Variants in TAF1 observed in about 807,000 individuals in gnomAD.
TAF1 encodes transcription initiation factor TFIID subunit 1.
TAF1 carries 2 observed loss-of-function variants against 138.5 expected under a neutral mutation model. That is an observed-to-expected ratio of 0.01 (90% CI 0.01 to 0.05). TAF1 has a LOEUF of 0.05. TAF1 is among the 10% of genes least tolerant of loss of function. The probability of loss-of-function intolerance (pLI) is 1.00; values close to 1 mark genes in which losing one functional copy is unlikely to be tolerated. For missense variants in TAF1, 709 were observed against 1,478.0 expected (o/e 0.48, Z 8.53); for synonymous variants, 437 against 503.2 (o/e 0.87, Z 1.76).
intron 13 of TAF1, among the ~76,000 whole-genome samples, chrX:71,494,111 A>G (rs1159720794): frequency 2.7e-5 from 3 of 111,716 alleles, no homozygotes; most frequent in Non-Finnish European, 5.6e-5. Flanking sequence ...ACAAATTTGT[A>G]AACTTTCTTA....
In TAF1 at chrX:71,482,526, A is replaced by G. The variant is rs191979240; in HGVS notation, c.1366+21723A>G. Among the ~76,000 whole-genome samples, 7 of 112,627 alleles carry G rather than the reference A, an allele frequency of 6.2e-5. No homozygotes were observed. The East Asian group carries it at 1.9e-3, about 31-fold the overall frequency. On this transcript the variant is annotated intron_variant and NMD_transcript_variant, in intron 13 of 14. Transcript: ENST00000373775. ...GGGATTTTTTTGTTTCCCAGTGCAT[A>G]TAAGTTATGTTTACACTATATTGTA...
intron 32 of TAF1, among the ~76,000 whole-genome samples, chrX:71,444,011 CTG>C (rs1434047707): frequency 9.1e-6 from 1 of 109,825 alleles, no homozygotes; most frequent in Non-Finnish European, 1.9e-5. Flanking sequence ...CACGCCCAGC[CTG>C]TGTTTTCTTT....
intron 3 of TAF1, among the ~76,000 whole-genome samples, chrX:71,369,860 G>A (rs959133719): frequency 1.9e-5 from 2 of 107,376 alleles, no homozygotes; most frequent in African/African-American, 3.4e-5. Flanking sequence ...TGATCCACCC[G>A]CCTCGGCCTC....
intron 28 of TAF1, among the ~76,000 whole-genome samples, chrX:71,412,773 A>G (rs1487495363): frequency 1.8e-5 from 2 of 112,363 alleles, no homozygotes; most frequent in Non-Finnish European, 3.8e-5. Flanking sequence ...TATTTTAAGT[A>G]GAGACGGTTT....
intron 13 of TAF1, among the ~76,000 whole-genome samples, chrX:71,494,826 T>A (rs1264689067): frequency 1.8e-5 from 2 of 112,191 alleles, no homozygotes; most frequent in Admixed American, 1.9e-4. Flanking sequence ...TTCCACTGCA[T>A]GGAAGGGGAC....
At chrX:71,448,820 C>CTT (rs760089481) in intron 32 of TAF1, among the ~76,000 whole-genome samples, 4 of 92,428 alleles carry the variant, frequency 4.3e-5, no homozygotes, top group African/African-American at 8.2e-5. Context: ...TTTTCTTTTT[C>CTT]TTTTTTTTTT....
rs767546907 is a variant in TAF1 at position 71,382,947 on chromosome X, A to G, written c.1774-44A>G. ...CGGAGGATATGGGAAAATCTTGCTT[A>G]GGATGGAATTAGCTAATTTTAACCC... On this transcript the variant is annotated intron_variant, in intron 11 of 37. Transcript: ENST00000423759. 1.4e-5 allele frequency: 17 copies of G among 1,191,543 alleles called. No homozygotes were observed. The African/African-American group carries it at 1.8e-4, about 12-fold the overall frequency.
At chrX:71,444,004 G>A (rs1013662251) in intron 32 of TAF1, among the ~76,000 whole-genome samples, 1 of 108,337 alleles carries the variant, frequency 9.2e-6, no homozygotes, top group Non-Finnish European at 1.9e-5. Flanking sequence ...GACCCACCAC[G>A]CCCAGCCTGT....
At chrX:71,484,141 A>G (rs1329064300) in intron 13 of TAF1, among the ~76,000 whole-genome samples, 1 of 111,299 alleles carries the variant, frequency 9.0e-6, no homozygotes, top group Non-Finnish European at 1.9e-5. Flanking sequence ...AAGTGCTGGG[A>G]TTATAGGCGT....
At chrX:71,506,627 G>A (rs1439781947) in intron 13 of TAF1, among the ~76,000 whole-genome samples, 5 of 105,139 alleles carry the variant, frequency 4.8e-5, no homozygotes, top group Admixed American at 2.1e-4. Context: ...CCCGGGAGGC[G>A]GAGCTTGCAG....
intron 5 of TAF1, 64 bp downstream of exon 5, chrX:71,377,255 T>C: frequency 1.7e-6 from 2 of 1,188,037 alleles, no homozygotes; most frequent in Non-Finnish European, 2.3e-6. Context: ...TGAGTTTTGT[T>C]GTTAAGATGC....
intron 28 of TAF1, 150 bp from the exon 29 acceptor site, chrX:71,421,159 C>G (rs2148592312): frequency 2.1e-6 from 1 of 474,112 alleles, no homozygotes; most frequent in South Asian, 3.2e-5. Flanking sequence ...GGAAAATGGA[C>G]ATAAGTCTGG....
At chrX:71,470,188 T>C (rs930706663), downstream of TAF1, among the ~76,000 whole-genome samples, 2 of 111,242 alleles carry the variant, frequency 1.8e-5, no homozygotes, top group Admixed American at 1.9e-4. Context: ...TTTTTGTTTA[T>C]ATTGTCTAAT....
intron 37 of TAF1, 71 bp from the exon 38 acceptor site, chrX:71,463,753 G>C (rs1411161678): frequency 9.8e-7 from 1 of 1,024,687 alleles, no homozygotes; most frequent in Non-Finnish European, 1.4e-6. Flanking sequence ...TCCTTTGGTG[G>C]CACTGAGAAT....
At chrX:71,513,624 A>G (rs894682490) in intron 13 of TAF1, among the ~76,000 whole-genome samples, 7 of 111,552 alleles carry the variant, frequency 6.3e-5, no homozygotes, top group African/African-American at 2.3e-4. Context: ...GCTCATGCCT[A>G]TAATTCCAGC....
intron 25 of TAF1, 106 bp downstream of exon 25, chrX:71,401,845 A>G: frequency 2.6e-6 from 2 of 769,769 alleles, no homozygotes. Flanking sequence ...GTGGAACTGA[A>G]GGAACAGGAA....
intron 32 of TAF1, among the ~76,000 whole-genome samples, chrX:71,427,114 T>A (rs1016860918): frequency 3.6e-5 from 4 of 111,925 alleles, no homozygotes; most frequent in Non-Finnish European, 5.6e-5. Context: ...GAAATAAGCA[T>A]TCTGGGCAGA....
rs28382145 is a variant in TAF1, at chrX:71,366,461, C to T, written c.87C>T (p.Ala29=). 2.1e-6 allele frequency: 2 copies of T among 941,099 alleles called. No homozygotes were observed. The highest frequency in any genetic ancestry group is 1.4e-6 in the Non-Finnish European group (1 of 740,114). The allele number at this position is 941,099 out of a possible 1,213,427, so 77.6% of individuals were successfully genotyped here. The change falls in exon 1 of 38, where the codon GCC becomes GCT. Residue 29 remains alanine, a synonymous_variant. Transcript: ENST00000423759. ...AGFLFGNING[A]GQLEGESVLD... is the part of the protein sequence containing the mutation. The stretch of plus-strand genomic sequence containing the variant: ...TCCTTTTCGGCAACATCAATGGAGC[C>T]GGGCAGCTGGAGGGGGAAAGCGTCT...
intron 21 of TAF1, among the ~76,000 whole-genome samples, 153 bp downstream of exon 21, chrX:71,393,629 C>T (rs779248024): frequency 1.2e-4 from 13 of 110,931 alleles, no homozygotes; most frequent in Non-Finnish European, 2.1e-4. Context: ...GTAATCCCAC[C>T]ACCAGATTAC....
Sources: allele counts gnomAD v4.1 joint callset (sites outside exome capture counted in the v4.1 genomes callset), GRCh38; gene constraint gnomAD v4.1.1; transcripts MANE v1.5; gene names NCBI Gene and HGNC (gene_info 2026-07-23, HGNC 2026-07-21).